The following PTCHD4 variants were observed in gnomAD, a reference collection of about 807,000 sequenced individuals.
PTCHD4 encodes patched domain-containing protein 4.
PTCHD4 carries 33 observed loss-of-function variants against 58.1 expected under a neutral mutation model. The ratio of observed to expected loss-of-function variants is 0.57; its 90% CI spans 0.43 to 0.76. The LOEUF (loss-of-function observed/expected upper bound fraction) is 0.76, where lower values mean the gene tolerates loss of function less well. Ranked by LOEUF, PTCHD4 falls within the 30% of genes least tolerant of loss-of-function variation. The pLI, the probability that PTCHD4 is intolerant of heterozygous loss-of-function variation, is 0.00. For missense variants in PTCHD4, 1,058 were observed against 1,027.1 expected (o/e 1.03, Z -0.41); for synonymous variants, 478 against 409.6 (o/e 1.17, Z -2.02).
In PTCHD4 at chr6:47,861,171, A is replaced by C. The variant is rs1204002653; in HGVS notation, c.*17132T>G. ...TGTAGATGAATTCTTCTTTTTACCT[A>C]AACTACTTAGTCCTGATTTTTCTTT... is the stretch of plus-strand genomic sequence containing the variant. On this transcript the variant is annotated 3_prime_UTR_variant, in exon 5 of 5. Transcript: ENST00000339488. 6.6e-6 allele frequency among the ~76,000 whole-genome samples: 1 copy of C among 151,980 alleles called. No homozygotes were observed. Among genetic ancestry groups the C allele is most frequent in the Non-Finnish European group, 1.5e-5 (1 of 67,930 alleles).
intron 4 of PTCHD4, 61 bp downstream of exon 4, chr6:48,008,573 G>A: frequency 1.3e-6 from 2 of 1,524,216 alleles, no homozygotes; most frequent in Non-Finnish European, 1.8e-6. Flanking sequence ...GAGAATTCAA[G>A]AAATATACTA....
intron 4 of PTCHD4, among the ~76,000 whole-genome samples, chr6:47,893,666 C>G (rs561585054): frequency 6.6e-6 from 1 of 152,152 alleles, no homozygotes; most frequent in East Asian, 1.9e-4. Context: ...AAATGAAACA[C>G]AGATACATGA....
intron 1 of PTCHD4, among the ~76,000 whole-genome samples, chr6:48,096,944 A>T (rs1170992937): frequency 6.6e-6 from 1 of 152,202 alleles, no homozygotes; most frequent in Non-Finnish European, 1.5e-5. Context: ...ACAAATATTG[A>T]TATAGGAATA....
Position 47,907,525 on chromosome 6 carries a change from C to G in PTCHD4, c.899-27589G>C, listed in dbSNP as rs1384455752. Among the ~76,000 whole-genome samples the G allele has an allele frequency of 2.6e-5, 4 of 152,262 alleles. No homozygotes were observed. The South Asian group carries it at 8.3e-4, about 32-fold the overall frequency. On this transcript the variant is annotated intron_variant, in intron 4 of 4. Transcript: ENST00000339488. The stretch of plus-strand genomic sequence containing the variant: ...GGGTTTTAATAGCATGGGATGAATG[C>G]CCTCTGTTTTCTTTTTGCCTTCCAT...
chr6:47,918,786 T>C (rs771833893), intron 4 of PTCHD4, among the ~76,000 whole-genome samples: 1 of 152,184 alleles, frequency 6.6e-6, no homozygotes, highest in Non-Finnish European at 1.5e-5. Context: ...AATGTTAAAA[T>C]GGTTACATAG....
At chr6:47,931,121 G>A (rs903453715) in intron 4 of PTCHD4, among the ~76,000 whole-genome samples, 17 of 152,216 alleles carry the variant, frequency 1.1e-4, no homozygotes, top group African/African-American at 4.1e-4. Flanking sequence ...CTTTGTGTAA[G>A]ACAGCATCCT....
At chr6:47,954,671 T>C (rs1321037221) in intron 4 of PTCHD4, among the ~76,000 whole-genome samples, 2 of 152,190 alleles carry the variant, frequency 1.3e-5, no homozygotes, top group African/African-American at 2.4e-5. Flanking sequence ...GTAGTATTAG[T>C]AAAACTGTTG....
At chr6:47,975,152 A>T (rs1304789329) in intron 4 of PTCHD4, among the ~76,000 whole-genome samples, 1 of 152,136 alleles carries the variant, frequency 6.6e-6, no homozygotes, top group Non-Finnish European at 1.5e-5. Context: ...GATTGTTTGC[A>T]TCTTGAAGTT....
At chr6:47,962,710 C>A (rs1041685761) in intron 4 of PTCHD4, among the ~76,000 whole-genome samples, 2 of 152,090 alleles carry the variant, frequency 1.3e-5, no homozygotes, top group Admixed American at 6.5e-5. Flanking sequence ...GTCAATTAAA[C>A]CTCTTTTCTT....
Position 47,878,822 on chromosome 6 carries a change from C to T in PTCHD4, c.2013G>A (p.Leu671=). The T allele has an allele frequency of 6.2e-7, 1 of 1,613,610 alleles. No individual in the cohort carries two copies. Among genetic ancestry groups the T allele is most frequent in the Non-Finnish European group, 8.5e-7 (1 of 1,179,720 alleles). The change falls in exon 5 of 5, where the codon CTG becomes CTA. Residue 671 remains leucine, a synonymous_variant. Transcript: ENST00000339488. ...GAGGGTGGATCACTAGGAAAAAAGT[C>T]AGGATTAACACCAGGAGAACACCAA... ...AGFGVLLVLI[L]TFFLVIHPLG...
chr6:48,032,073 G>A (rs954451012), intron 3 of PTCHD4, among the ~76,000 whole-genome samples: 7 of 132,262 alleles, frequency 5.3e-5, no homozygotes, highest in African/African-American at 1.6e-4. Context: ...CAAACCCCAG[G>A]CATTTTTTTT....
intron 4 of PTCHD4, among the ~76,000 whole-genome samples, chr6:47,884,793 T>A (rs1170128366): frequency 6.6e-6 from 1 of 152,192 alleles, no homozygotes; most frequent in African/African-American, 2.4e-5. Flanking sequence ...ACCATGAAAA[T>A]GCGGCTGATT....
At chr6:48,059,685 G>A (rs541710606) in intron 3 of PTCHD4, among the ~76,000 whole-genome samples, 8 of 152,014 alleles carry the variant, frequency 5.3e-5, no homozygotes, top group Non-Finnish European at 1.2e-4. Flanking sequence ...TAGACTTAAT[G>A]GGGGTAGGTC....
chr6:48,009,079 G>T lies in PTCHD4; in HGVS notation c.453C>A (p.Gly151=), dbSNP rs372960597. The T allele has an allele frequency of 6.2e-7, 1 of 1,612,960 alleles. No homozygotes were observed. Among genetic ancestry groups the T allele is most frequent in the Non-Finnish European group, 8.5e-7 (1 of 1,179,420 alleles). Residue 151 remains glycine, a synonymous_variant, in exon 4 of 5, where the codon GGC becomes GGA. Coordinates refer to ENST00000339488, the MANE Select transcript of PTCHD4 (RefSeq NM_001384253.1). ...TGCTGTTTGGCACTTCCACTACCCC[G>T]CCCAGTTGGTGTCCAATAAAACTGT... is the stretch of plus-strand genomic sequence containing the variant. The part of the protein sequence containing the change: ...GRNSFIGHQL[G]GVVEVPNSKD...
intron 4 of PTCHD4, among the ~76,000 whole-genome samples, chr6:47,967,011 A>G (rs1767319839): frequency 6.6e-6 from 1 of 152,186 alleles, no homozygotes; most frequent in Admixed American, 6.5e-5. Context: ...TTGTAATGGC[A>G]TCTAGAATGG....
At chr6:48,105,867 C>T (rs572057980) in intron 1 of PTCHD4, among the ~76,000 whole-genome samples, 41 of 152,206 alleles carry the variant, frequency 2.7e-4, no homozygotes, top group African/African-American at 9.9e-4. Flanking sequence ...GGATAAATTC[C>T]TTGACACATA....
intron 1 of PTCHD4, among the ~76,000 whole-genome samples, chr6:48,109,482 A>G (rs77785297): frequency 2.0e-5 from 3 of 152,152 alleles, no homozygotes; most frequent in Admixed American, 1.3e-4. Context: ...GGAAGAAAAC[A>G]TAGGGCCTTG....
intron 4 of PTCHD4, among the ~76,000 whole-genome samples, chr6:47,960,647 A>G (rs1223887710): frequency 1.3e-5 from 2 of 152,108 alleles, no homozygotes; most frequent in African/African-American, 2.4e-5. Context: ...AATATAATAC[A>G]TTAGAAAAAC....
chr6:47,886,766 T>C (rs1764206358), intron 4 of PTCHD4, among the ~76,000 whole-genome samples: 1 of 152,242 alleles, frequency 6.6e-6, no homozygotes, highest in African/African-American at 2.4e-5. Flanking sequence ...TGTGGGATCA[T>C]TTATCCATTG....
Sources: allele counts gnomAD v4.1 joint callset (sites outside exome capture counted in the v4.1 genomes callset), GRCh38; gene constraint gnomAD v4.1.1; transcripts MANE v1.5; gene names NCBI Gene and HGNC (gene_info 2026-07-23, HGNC 2026-07-21).